Variants in FBXO10 observed in about 807,000 individuals in gnomAD.
FBXO10 encodes F-box protein 10.
Under a neutral mutation model 80.7 loss-of-function variants are expected in FBXO10, and 39 were observed. The ratio of observed to expected loss-of-function variants is 0.48; its 90% CI spans 0.37 to 0.63. FBXO10 has a LOEUF of 0.63. Ranked by LOEUF, FBXO10 falls within the 30% of genes least tolerant of loss-of-function variation. The pLI is 0.00. For synonymous variants in FBXO10, 449 were observed against 489.6 expected (o/e 0.92, Z 1.09); for missense variants, 1,025 against 1,269.0 (o/e 0.81, Z 2.92).
chr9:37,548,475 T>A (rs1011811330), intron 1 of FBXO10, among the ~76,000 whole-genome samples: 3 of 152,228 alleles, frequency 2.0e-5, no homozygotes, highest in Non-Finnish European at 2.9e-5. Flanking sequence ...TCTCCATTTT[T>A]AAAATAGTAT....
chr9:37,527,337 C>T (rs1055666861), intron 5 of FBXO10, among the ~76,000 whole-genome samples: 9 of 152,218 alleles, frequency 5.9e-5, no homozygotes, highest in African/African-American at 2.2e-4. Flanking sequence ...AAGACATGGA[C>T]ATCCTTGGGG....
At chr9:37,518,094 C>A (rs747424055) in intron 9 of FBXO10, 31 bp downstream of exon 9, 1 of 1,583,438 alleles carries the variant, frequency 6.3e-7, no homozygotes, top group Non-Finnish European at 8.6e-7. Flanking sequence ...TGTGTGGGCA[C>A]CACACGTCAC....
At chr9:37,524,464 G>A (rs549335895) in intron 6 of FBXO10, among the ~76,000 whole-genome samples, 1 of 152,320 alleles carries the variant, frequency 6.6e-6, no homozygotes, top group East Asian at 1.9e-4. Flanking sequence ...GATAAGTTCA[G>A]TCAGGGGGAT....
rs1056868174 is a variant in FBXO10, at chr9:37,557,333, C to T, written c.-6-15559G>A. 3.3e-5 allele frequency among the ~76,000 whole-genome samples: 5 copies of T among 152,222 alleles called. No homozygotes were observed. The East Asian group carries it at 5.8e-4, about 18-fold the overall frequency. ...CTTGCACTCTACATCCCTTCTGAGC[C>T]TTACCCCAGACCTCTTTACCCCTTC... On this transcript the variant is annotated intron_variant, in intron 1 of 10. Coordinates refer to ENST00000432825, the MANE Select transcript of FBXO10 (RefSeq NM_012166.3).
intron 1 of FBXO10, among the ~76,000 whole-genome samples, chr9:37,556,533 ATTTTTTTT>A (rs60829486): frequency 3.3e-4 from 25 of 75,118 alleles, no homozygotes; most frequent in African/African-American, 2.3e-4. Flanking sequence ...TTTGTTCTGG[ATTTTTTTT>A]TTTTTTTTTT....
chr9:37,541,305 A>G lies in FBXO10; in HGVS notation c.464T>C (p.Ile155Thr), dbSNP rs1821909767. ...TTCACCCAACTTCCCCTGCCCTACAATCTCCACAGGCACCTTCAAGATGAT... is the reference window on the plus strand; with the variant it reads ...TTCACCCAACTTCCCCTGCCCTACAGTCTCCACAGGCACCTTCAAGATGAT... ...GEIILKVPVE[I>T]VGQGKLGEVA... is the part of the protein sequence containing the mutation. The change falls in exon 2 of 11, where the codon ATT becomes ACT. Residue 155 changes from isoleucine (I) to threonine (T), a missense_variant. This residue lies in a region of FBXO10 where 450 missense variants were observed against 499.4 expected (regional missense o/e 0.90). Transcript: ENST00000432825. 2.5e-6 allele frequency: 4 copies of G among 1,613,802 alleles called. No individual in the cohort carries two copies. The highest frequency in any genetic ancestry group is 1.7e-5 in the Admixed American group (1 of 59,998).
chr9:37,570,733 G>A (rs549808672), intron 1 of FBXO10, among the ~76,000 whole-genome samples: 8 of 152,290 alleles, frequency 5.3e-5, no homozygotes, highest in Non-Finnish European at 1.0e-4. Context: ...GGTGGCTCAC[G>A]CCTGTAATCC....
intron 2 of FBXO10, among the ~76,000 whole-genome samples, chr9:37,539,640 G>A (rs1821864538): frequency 6.6e-6 from 1 of 152,178 alleles, no homozygotes. Flanking sequence ...CTCTCCTTCT[G>A]GGCCTGCAGA....
intron 8 of FBXO10, among the ~76,000 whole-genome samples, chr9:37,519,833 T>A (rs1468825008): frequency 1.3e-5 from 2 of 151,996 alleles, no homozygotes; most frequent in Non-Finnish European, 2.9e-5. Context: ...TTATTTTGTT[T>A]TAGAGACAGG....
intron 1 of FBXO10, among the ~76,000 whole-genome samples, chr9:37,554,102 G>A (rs1466592789): frequency 6.6e-6 from 1 of 152,126 alleles, no homozygotes; most frequent in Non-Finnish European, 1.5e-5. Flanking sequence ...TGTGTATTAA[G>A]TTCTATACAA....
chr9:37,575,953 T>C (rs1392528248), intron 1 of FBXO10, among the ~76,000 whole-genome samples: 1 of 152,188 alleles, frequency 6.6e-6, no homozygotes, highest in African/African-American at 2.4e-5. Context: ...TCCGGTAGTT[T>C]TACGGGAGGG....
chr9:37,550,169 G>GTTTTTTTTTTTTTTTTTTTTTTTTT lies in FBXO10; in HGVS notation c.-6-8420_-6-8396dup, dbSNP rs74171511. Among the ~76,000 whole-genome samples the GTTTTTTTTTTTTTTTTTTTTTTTTT allele has an allele frequency of 2.9e-5, 2 of 68,008 alleles. 1 individual carries two copies. The highest frequency in any genetic ancestry group is 1.0e-4 in the African/African-American group (2 of 19,376). The allele number at this position is 68,008 out of a possible 152,430, so 44.6% of individuals were successfully genotyped here. On this transcript the variant is annotated intron_variant, in intron 1 of 10. Transcript: ENST00000432825. ...CAGTTTTCTTTTTTTGTCGTCTCAG[G>GTTTTTTTTTTTTTTTTTTTTTTTTT]TTTTTTTTTTTTTTTTTTTTTTTTT...
chr9:37,540,887 C>T (rs991463972), intron 2 of FBXO10, among the ~76,000 whole-genome samples: 5 of 152,164 alleles, frequency 3.3e-5, no homozygotes, highest in African/African-American at 9.7e-5. Context: ...CTGGCTTTCC[C>T]GCCGCTGCTA....
chr9:37,536,593 C>T (rs1022147035), intron 3 of FBXO10, among the ~76,000 whole-genome samples: 1 of 152,168 alleles, frequency 6.6e-6, no homozygotes, highest in Admixed American at 6.5e-5. Flanking sequence ...TTGAATTCAA[C>T]CTCACACCCA....
At chr9:37,553,703 C>T (rs12335510) in intron 1 of FBXO10, among the ~76,000 whole-genome samples, 6,045 of 148,854 alleles carry the variant, frequency 0.041, 413 homozygotes, top group African/African-American at 0.14. Context: ...GTCGGGAGTT[C>T]GAGACCAGCC....
At chr9:37,524,951 T>G in intron 6 of FBXO10, 151 bp downstream of exon 6, 1 of 655,864 alleles carries the variant, frequency 1.5e-6, no homozygotes, top group Non-Finnish European at 2.6e-6. Context: ...ACAGCCACCA[T>G]GCAGCTGGCG....
At chr9:37,549,400 C>T (rs899032400) in intron 1 of FBXO10, among the ~76,000 whole-genome samples, 8 of 152,182 alleles carry the variant, frequency 5.3e-5, no homozygotes, top group African/African-American at 1.9e-4. Flanking sequence ...CTGTTCACCA[C>T]CACCTGGATC....
chr9:37,531,438 C>T (rs558325347), intron 4 of FBXO10, among the ~76,000 whole-genome samples: 11 of 152,274 alleles, frequency 7.2e-5, no homozygotes, highest in East Asian at 1.9e-4. Context: ...GGTTTTCACA[C>T]GGGTAGAAAA....
At position 37,545,041 on chromosome 9, in the gene FBXO10, T is replaced by C. The variant is rs542956771; in HGVS notation, c.-6-3267A>G. 3.3e-5 allele frequency among the ~76,000 whole-genome samples: 5 copies of C among 151,082 alleles called. No homozygotes were observed. The South Asian group carries it at 1.0e-3, about 32-fold the overall frequency. On this transcript the variant is annotated intron_variant, in intron 1 of 10. Transcript: ENST00000432825. ...AGAGAAAAGCTGGGCTCTGGACTGT[T>C]AAGCATAATAGGGGAAAGGCTGGGC... is the stretch of plus-strand genomic sequence containing the variant.
Sources: allele counts gnomAD v4.1 joint callset (sites outside exome capture counted in the v4.1 genomes callset), GRCh38; gene constraint gnomAD v4.1.1; regional missense constraint gnomAD v4.1.1; transcripts MANE v1.5; gene names NCBI Gene and HGNC (gene_info 2026-07-23, HGNC 2026-07-21).